The following STAC variants were observed in gnomAD, a reference collection of about 807,000 sequenced individuals.
STAC encodes the protein SH3 and cysteine-rich domain-containing protein.
A neutral mutation model predicts 48.8 loss-of-function variants in STAC; 43 were observed. The ratio of observed to expected loss-of-function variants is 0.88; its 90% confidence interval spans 0.69 to 1.14. The LOEUF (loss-of-function observed/expected upper bound fraction) is 1.14. Ranked by LOEUF, STAC falls within the 50% of genes most tolerant of loss-of-function variation. The probability of loss-of-function intolerance (pLI) is 0.00; values close to 1 mark genes in which losing one functional copy is unlikely to be tolerated. For missense variants in STAC, 497 were observed against 504.0 expected (o/e 0.99, Z 0.13); for synonymous variants, 193 against 179.5 (o/e 1.07, Z -0.60).
chr3:36,522,707 G>T (rs1210436903), intron 8 of STAC, among the ~76,000 whole-genome samples: 3 of 152,192 alleles, frequency 2.0e-5, no homozygotes, highest in Non-Finnish European at 4.4e-5. Context: ...CCAAAGTAGG[G>T]CCAATCTGAG....
At chr3:36,466,385 T>C (rs888493420) in intron 2 of STAC, among the ~76,000 whole-genome samples, 4 of 152,130 alleles carry the variant, frequency 2.6e-5, no homozygotes, top group African/African-American at 9.7e-5. Context: ...CTATGTGGGC[T>C]CTTTTTTGGT....
intron 10 of STAC, among the ~76,000 whole-genome samples, chr3:36,532,629 C>A (rs1242370304): frequency 6.6e-6 from 1 of 152,128 alleles, no homozygotes; most frequent in Non-Finnish European, 1.5e-5. Context: ...CCCTTAATGA[C>A]AATACCCCTG....
intron 10 of STAC, among the ~76,000 whole-genome samples, chr3:36,540,224 A>C (rs1054788899): frequency 1.8e-4 from 27 of 152,174 alleles, no homozygotes; most frequent in African/African-American, 6.3e-4. Context: ...GAGCCTCTAG[A>C]AAGAATGCAG....
chr3:36,398,537 GAGAGGT>G (rs1466785266), intron 1 of STAC, among the ~76,000 whole-genome samples: 991 of 61,284 alleles, frequency 0.016, 85 homozygotes, highest in African/African-American at 0.045. Context: ...AAGAAAGAAA[GAGAGGT>G]AAAGAGAAAG....
intron 1 of STAC, among the ~76,000 whole-genome samples, chr3:36,432,594 C>T (rs1043985934): frequency 7.9e-5 from 12 of 151,816 alleles, no homozygotes; most frequent in Non-Finnish European, 1.6e-4. Flanking sequence ...CTCAGCTACT[C>T]GGGAGGCCGA....
chr3:36,408,804 T>C (rs775706786), intron 1 of STAC, among the ~76,000 whole-genome samples: 22 of 152,200 alleles, frequency 1.4e-4, no homozygotes, highest in Non-Finnish European at 3.1e-4. Context: ...TAACTGTCCC[T>C]AGAGTCTCTC....
At chr3:36,415,914 A>C (rs1479889707) in intron 1 of STAC, among the ~76,000 whole-genome samples, 1 of 152,192 alleles carries the variant, frequency 6.6e-6, no homozygotes, top group Non-Finnish European at 1.5e-5. Context: ...ATTGATATAT[A>C]TGGTTGTATA....
At chr3:36,447,190 T>C (rs1250873218) in intron 2 of STAC, among the ~76,000 whole-genome samples, 2 of 152,152 alleles carry the variant, frequency 1.3e-5, no homozygotes, top group Non-Finnish European at 2.9e-5. Context: ...TCATTGGCTA[T>C]GTCTGCCCCC....
At chr3:36,520,390 C>G (rs949295728) in intron 8 of STAC, among the ~76,000 whole-genome samples, 4 of 152,132 alleles carry the variant, frequency 2.6e-5, no homozygotes, top group African/African-American at 9.7e-5. Context: ...AGGCAGTGGG[C>G]CAGTGGCAGA....
chr3:36,510,724 G>A (rs150152271), intron 8 of STAC, among the ~76,000 whole-genome samples: 292 of 152,068 alleles, frequency 1.9e-3, no homozygotes, highest in African/African-American at 6.6e-3. Context: ...ACCAAACGCC[G>A]CATGTTCTCA....
chr3:36,447,113 G>A (rs1456077), intron 2 of STAC, among the ~76,000 whole-genome samples: 99,963 of 151,912 alleles, frequency 0.66, 33,193 homozygotes, highest in African/African-American at 0.74. Flanking sequence ...ATCTGCTTCC[G>A]ACTGATTCCA....
chr3:36,487,650 A>AT (rs1417601600), intron 5 of STAC, among the ~76,000 whole-genome samples: 2 of 152,204 alleles, frequency 1.3e-5, no homozygotes, highest in African/African-American at 4.8e-5. Context: ...ATTGTTTACC[A>AT]TTTTTAAAAA....
chr3:36,436,922 T>C (rs1700847457), intron 1 of STAC, among the ~76,000 whole-genome samples: 1 of 151,478 alleles, frequency 6.6e-6, no homozygotes, highest in African/African-American at 2.4e-5. Context: ...CTCAAACAAA[T>C]TTACAAGAAA....
At chr3:36,511,852 T>C (rs1415929033) in intron 8 of STAC, among the ~76,000 whole-genome samples, 1 of 152,214 alleles carries the variant, frequency 6.6e-6, no homozygotes, top group Admixed American at 6.6e-5. Context: ...GCCACTGAAA[T>C]GCTTCAGTTA....
intron 1 of STAC, among the ~76,000 whole-genome samples, chr3:36,389,446 AGCCCTCG>A (rs1699704660): frequency 6.6e-6 from 1 of 152,088 alleles, no homozygotes; most frequent in Non-Finnish European, 1.5e-5. Flanking sequence ...CACCTCCCAA[AGCCCTCG>A]CCTTTTAATA....
At chr3:36,503,095 C>T (rs965323248) in intron 6 of STAC, among the ~76,000 whole-genome samples, 5 of 151,952 alleles carry the variant, frequency 3.3e-5, no homozygotes, top group Non-Finnish European at 7.4e-5. Flanking sequence ...TGTGGTGATC[C>T]CCTCCCTCTA....
chr3:36,390,743 T>C (rs1699737940), intron 1 of STAC, among the ~76,000 whole-genome samples: 1 of 152,212 alleles, frequency 6.6e-6, no homozygotes, highest in South Asian at 2.1e-4. Context: ...TGAATGTTTT[T>C]ATTTTGTTTT....
At chr3:36,392,961 C>T (rs956179450) in intron 1 of STAC, among the ~76,000 whole-genome samples, 1 of 152,156 alleles carries the variant, frequency 6.6e-6, no homozygotes, top group African/African-American at 2.4e-5. Flanking sequence ...AATACCCTGA[C>T]CTCCTGAGTC....
chr3:36,452,623 A>T (rs555908764), intron 2 of STAC, among the ~76,000 whole-genome samples: 6 of 152,258 alleles, frequency 3.9e-5, no homozygotes, highest in African/African-American at 1.4e-4. Flanking sequence ...TTTTTATGAT[A>T]CATAAGGCAA....
Sources: gnomAD v4.1 joint callset for allele counts (sites outside exome capture counted in the v4.1 genomes callset) on GRCh38, gnomAD v4.1.1 for gene constraint, MANE v1.5 for transcripts, NCBI Gene and HGNC (gene_info 2026-07-23, HGNC 2026-07-21) for gene names.